RPS6KC1: variants seen among roughly 807,000 people sequenced by gnomAD.
RPS6KC1 encodes the protein ribosomal protein S6 kinase C1.
A neutral mutation model predicts 103.8 loss-of-function variants in RPS6KC1; 54 were observed. The observed-to-expected ratio is 0.52, with a 90% confidence interval of 0.42 to 0.65. RPS6KC1 has a LOEUF of 0.65. Ranked by LOEUF, RPS6KC1 falls within the 30% of genes least tolerant of loss-of-function variation. RPS6KC1 has a pLI of 0.00. For missense variants in RPS6KC1, 1,151 were observed against 1,253.8 expected (o/e 0.92, Z 1.24); for synonymous variants, 439 against 438.7 (o/e 1.00, Z -0.01).
chr1:213,057,752 C>CTTTTGTTTTTT (rs2077452808), intron 1 of RPS6KC1, among the ~76,000 whole-genome samples: 1 of 73,664 alleles, frequency 1.4e-5, no homozygotes, highest in Non-Finnish European at 2.4e-5. Flanking sequence ...TCTGAAGTAT[C>CTTTTGTTTTTT]TTTTTTTTTT....
the RPS6KC1 span, among the ~76,000 whole-genome samples, chr1:213,854,946 A>G: frequency 1.3e-5 from 2 of 152,322 alleles, no homozygotes; most frequent in South Asian, 2.1e-4. Context: ...TCTGGAGGCT[A>G]CAAGTCCAAG....
At chr1:213,355,751 C>T in the RPS6KC1 span, among the ~76,000 whole-genome samples, 1 of 152,164 alleles carries the variant, frequency 6.6e-6, no homozygotes, top group Non-Finnish European at 1.5e-5. Context: ...TCAGCGGCAA[C>T]ACCTCAGAGA....
the RPS6KC1 span, among the ~76,000 whole-genome samples, chr1:213,537,893 G>A: frequency 6.6e-6 from 1 of 152,148 alleles, no homozygotes; most frequent in Non-Finnish European, 1.5e-5. Flanking sequence ...TATGAACATG[G>A]TCACTTTTTG....
the RPS6KC1 span, among the ~76,000 whole-genome samples, chr1:213,341,201 C>G: frequency 6.6e-6 from 1 of 152,180 alleles, no homozygotes; most frequent in African/African-American, 2.4e-5. Flanking sequence ...CTTCACGGCT[C>G]TCAGACACCC....
At chr1:213,588,709 A>G in the RPS6KC1 span, among the ~76,000 whole-genome samples, 1 of 152,010 alleles carries the variant, frequency 6.6e-6, no homozygotes, top group African/African-American at 2.4e-5. Flanking sequence ...CCTGCCCCAC[A>G]AAGCGTCATC....
At chr1:213,119,678 C>G (rs958876790) in intron 5 of RPS6KC1, among the ~76,000 whole-genome samples, 5 of 151,464 alleles carry the variant, frequency 3.3e-5, no homozygotes, top group Non-Finnish European at 7.4e-5. Flanking sequence ...ATCTTAGGAG[C>G]CTATTTTAGT....
the RPS6KC1 span, among the ~76,000 whole-genome samples, chr1:213,411,454 G>A: frequency 2.0e-5 from 3 of 152,214 alleles, no homozygotes; most frequent in Non-Finnish European, 4.4e-5. Flanking sequence ...TTGGGCCTTT[G>A]TAGAGCTCAG....
intron 12 of RPS6KC1, among the ~76,000 whole-genome samples, chr1:213,244,470 T>C (rs2094421015): frequency 6.6e-6 from 1 of 152,162 alleles, no homozygotes; most frequent in Admixed American, 6.6e-5. Context: ...ACTTTCTTTT[T>C]TTTCTCCTGG....
chr1:213,777,470 T>G, the RPS6KC1 span, among the ~76,000 whole-genome samples: 1 of 152,178 alleles, frequency 6.6e-6, no homozygotes, highest in South Asian at 2.1e-4. Context: ...TCGATTAAAT[T>G]TGCTGTCTTA....
chr1:213,248,671 G>A (rs543228274), intron 12 of RPS6KC1, among the ~76,000 whole-genome samples: 16 of 152,304 alleles, frequency 1.1e-4, no homozygotes, highest in African/African-American at 3.6e-4. Context: ...GAGGACTTGA[G>A]GGTCTAGAAT....
At chr1:213,650,780 C>G in the RPS6KC1 span, among the ~76,000 whole-genome samples, 1 of 152,062 alleles carries the variant, frequency 6.6e-6, no homozygotes, top group Non-Finnish European at 1.5e-5. Flanking sequence ...TCTTTTCCTG[C>G]CAAACCAATC....
chr1:213,348,201 A>C, the RPS6KC1 span, among the ~76,000 whole-genome samples: 2 of 152,318 alleles, frequency 1.3e-5, no homozygotes, highest in African/African-American at 4.8e-5. Context: ...CTTTGAGGAA[A>C]AGCCCCAGAG....
chr1:213,701,743 A>G, the RPS6KC1 span, among the ~76,000 whole-genome samples: 652 of 152,108 alleles, frequency 4.3e-3, 17 homozygotes, highest in East Asian at 0.079. Flanking sequence ...GAATTTCTAC[A>G]GTATTGATTG....
chr1:213,314,192 G>A, the RPS6KC1 span, among the ~76,000 whole-genome samples: 1 of 152,092 alleles, frequency 6.6e-6, no homozygotes, highest in Non-Finnish European at 1.5e-5. Flanking sequence ...GTCTTCATAT[G>A]GCATTTTCCT....
chr1:213,364,827 G>A, the RPS6KC1 span, among the ~76,000 whole-genome samples: 6 of 151,910 alleles, frequency 3.9e-5, no homozygotes, highest in Non-Finnish European at 8.8e-5. Context: ...GCATAGTGGC[G>A]GGCACCTGTT....
At chr1:213,414,802 G>A in the RPS6KC1 span, among the ~76,000 whole-genome samples, 1 of 132,554 alleles carries the variant, frequency 7.5e-6, no homozygotes, top group African/African-American at 2.8e-5. Flanking sequence ...GCAGGAGGGG[G>A]TTTTAGTTGG....
intron 12 of RPS6KC1, among the ~76,000 whole-genome samples, chr1:213,257,515 T>G (rs2094676075): frequency 1.3e-5 from 2 of 152,136 alleles, no homozygotes; most frequent in South Asian, 4.2e-4. Context: ...TACAATATTC[T>G]CTCCCAAAGT....
At chr1:213,081,204 T>C (rs780818759) in intron 3 of RPS6KC1, among the ~76,000 whole-genome samples, 1 of 152,164 alleles carries the variant, frequency 6.6e-6, no homozygotes, top group African/African-American at 2.4e-5. Context: ...GGGTAACTTA[T>C]AAAGAAAAGA....
At chr1:213,843,071 C>A in the RPS6KC1 span, among the ~76,000 whole-genome samples, 1 of 152,200 alleles carries the variant, frequency 6.6e-6, no homozygotes, top group Admixed American at 6.5e-5. Context: ...AGTCTGAAAT[C>A]TACAGGCTGA....
Sources: allele counts gnomAD v4.1 joint callset (sites outside exome capture counted in the v4.1 genomes callset), GRCh38; gene constraint gnomAD v4.1.1; transcripts MANE v1.5; gene names NCBI Gene and HGNC (gene_info 2026-07-23, HGNC 2026-07-21).